The following WNT4 variants were observed in gnomAD, a reference collection of about 807,000 sequenced individuals.
The protein encoded by WNT4 is protein Wnt-4.
In WNT4, 16 loss-of-function variants were observed where a neutral mutation model predicts 34.5. That is an observed-to-expected ratio of 0.46 (90% CI 0.31 to 0.70). The LOEUF is 0.70. Ranked by LOEUF, WNT4 falls within the 30% of genes least tolerant of loss-of-function variation. WNT4 has a pLI of 0.04. For missense variants in WNT4, 379 were observed against 495.9 expected (o/e 0.76, Z 2.24); for synonymous variants, 200 against 211.9 (o/e 0.94, Z 0.49).
chr1:22,121,808 T>TCATC (rs1430490374), intron 2 of WNT4, among the ~76,000 whole-genome samples: 1 of 152,232 alleles, frequency 6.6e-6, no homozygotes, highest in African/African-American at 2.4e-5. Flanking sequence ...GCAGATGCTG[T>TCATC]CATCCTCACA....
Position 22,121,509 on chromosome 1 carries a change from C to A in WNT4, c.381G>T (p.Ala127=), listed in dbSNP as rs745481107. 1 of 1,613,940 alleles carries A rather than the reference C, an allele frequency of 6.2e-7. No homozygotes were observed. Among genetic ancestry groups the A allele is most frequent in the Non-Finnish European group, 8.5e-7 (1 of 1,180,042 alleles). The stretch of plus-strand genomic sequence containing the variant: ...ACTTCTCCAGCTCCCCACTGCTGCA[C>A]GCCCGCGTCACTGCAAAGGCCACAC... ...SAGVAFAVTR[A]CSSGELEKCG... is the part of the protein sequence containing the mutation. Residue 127 remains alanine (A), a synonymous_variant, in exon 3 of 5, where the codon GCG becomes GCT. Transcript: ENST00000290167.
intron 1 of WNT4, among the ~76,000 whole-genome samples, chr1:22,138,607 C>G (rs2124134615): frequency 6.6e-6 from 1 of 152,298 alleles, no homozygotes; most frequent in Non-Finnish European, 1.5e-5. Context: ...CTGTGAAGTA[C>G]TGTGGGGGTG....
At position 22,130,458 on chromosome 1, in the gene WNT4, C is replaced by T. The variant is rs181206433; in HGVS notation, c.78-607G>A. ...ATGGTCAGGTTATGGGTGGTGGTGG[C>T]GAGAGTGGGCTGTGTGGACGCTTCA... is the stretch of plus-strand genomic sequence containing the variant. On this transcript the variant is annotated intron_variant, in intron 1 of 4. Coordinates refer to ENST00000290167, the MANE Select transcript of WNT4 (RefSeq NM_030761.5). 1.4e-4 allele frequency among the ~76,000 whole-genome samples: 21 copies of T among 152,266 alleles called. No homozygotes were observed. The East Asian group carries it at 1.7e-3, about 13-fold the overall frequency.
chr1:22,138,211 G>A (rs375123089), intron 1 of WNT4, among the ~76,000 whole-genome samples: 2 of 152,204 alleles, frequency 1.3e-5, no homozygotes, highest in East Asian at 1.9e-4. Flanking sequence ...TTCCAGTCCT[G>A]CTTCTGATTT....
Position 22,129,832 on chromosome 1 carries a change from A to T in WNT4, c.97T>A (p.Ser33Thr). The T allele has an allele frequency of 6.2e-7, 1 of 1,613,690 alleles. No homozygotes were observed. The highest frequency in any genetic ancestry group is 8.5e-7 in the Non-Finnish European group (1 of 1,180,002). The change falls in exon 2 of 5, where the codon TCG becomes ACG. Residue 33 changes from serine (S) to threonine (T), a missense_variant. Coordinates refer to ENST00000290167, the MANE Select transcript of WNT4 (RefSeq NM_030761.5). ...TCCTCCTCTGAGATGCTCCCCACCG[A>T]CGACAGCTTGGCCAGGTACCTGGGG... is the stretch of plus-strand genomic sequence containing the variant. ...SNWLYLAKLS[S>T]VGSISEEETC...
chr1:22,128,981 A>C (rs892135763), intron 2 of WNT4, among the ~76,000 whole-genome samples: 8 of 152,110 alleles, frequency 5.3e-5, no homozygotes, highest in South Asian at 2.1e-4. Context: ...GGGCCTCCGA[A>C]AGTGCTGGGA....
intron 2 of WNT4, among the ~76,000 whole-genome samples, chr1:22,125,137 T>C (rs1645930832): frequency 6.6e-6 from 1 of 152,180 alleles, no homozygotes; most frequent in Non-Finnish European, 1.5e-5. Flanking sequence ...CCTTCCTGAG[T>C]TGAGTGTTCT....
Position 22,121,280 on chromosome 1 carries a change from C to T in WNT4, c.519G>A (p.Arg173=). The T allele has an allele frequency of 6.2e-7, 1 of 1,614,186 alleles. No homozygotes were observed. The highest frequency in any genetic ancestry group is 8.5e-7 in the Non-Finnish European group (1 of 1,180,026). The change falls in exon 4 of 5, where the codon CGG becomes CGA. Residue 173 remains arginine (R), a synonymous_variant. Transcript: ENST00000290167. ...TGGACGAGGCCCCCTTGCTTCTCTC[C>T]CGCACATCCACAAACGACTGTGAGA... ...VAFSQSFVDV[R]ERSKGASSSR...
rs879646516 is a variant in WNT4, at chr1:22,119,227, TG to T, written c.*822del. 18,358 of 126,412 alleles carry T rather than the reference TG, an allele frequency of 0.15. 1,551 individuals are homozygous for T. Among genetic ancestry groups the T allele is most frequent in the Middle Eastern group, 0.27 (71 of 266 alleles). The allele number at this position is 126,412 out of a possible 1,614,324, so 7.8% of individuals were successfully genotyped here. On this transcript the variant is annotated 3_prime_UTR_variant, in exon 5 of 5. Transcript: ENST00000290167. ...GTGTGTGTGTGTGTGTGTGTGTGTG[TG>T]TTTCAGTTTCATGGAGGAACAGCGC...
chr1:22,129,872 G>A (rs573913343), intron 1 of WNT4, 21 bp from the exon 2 acceptor site: 1 of 1,612,148 alleles, frequency 6.2e-7, no homozygotes, highest in South Asian at 1.1e-5. Context: ...GGTGACACGT[G>A]ATGCAGAGCC....
Position 22,118,024 on chromosome 1 carries a change from C to G in WNT4, c.*2026G>C, listed in dbSNP as rs1010133580. The G allele has an allele frequency of 6.6e-6, 1 of 152,240 alleles. No homozygotes were observed. Among genetic ancestry groups the G allele is most frequent in the African/African-American group, 2.4e-5 (1 of 41,460 alleles). The allele number at this position is 152,240 out of a possible 1,614,324, so 9.4% of individuals were successfully genotyped here. A position where few individuals can be genotyped will look rare whatever the true frequency, so the allele number is the denominator to read the frequency against. The stretch of plus-strand genomic sequence containing the variant: ...CAGCTTTCATCCACATCAGAGCTGG[C>G]CTGCCCCAAGATTATCAACCACATT... On this transcript the variant is annotated 3_prime_UTR_variant, in exon 5 of 5. Transcript: ENST00000290167.
At position 22,142,938 on chromosome 1, in the gene WNT4, G is replaced by T. The variant is rs1356413696; in HGVS notation, c.-16C>A. 1 of 1,115,898 alleles carries T rather than the reference G, an allele frequency of 9.0e-7. No homozygotes were observed. The highest frequency in any genetic ancestry group is 3.5e-5 in the Admixed American group (1 of 28,662). 69.1% of individuals were successfully genotyped at this position (1,115,898 alleles called of 1,614,324 possible). A position where few individuals can be genotyped will look rare whatever the true frequency, so the allele number is the denominator to read the frequency against. ...GGGGACTCATGGTGCCGCCGCGGGCGCCCGGCCCGGGGCAGCGGCTGCGGC... is the reference window on the plus strand; with the variant it reads ...GGGGACTCATGGTGCCGCCGCGGGCTCCCGGCCCGGGGCAGCGGCTGCGGC... On this transcript the variant is annotated 5_prime_UTR_variant, in exon 1 of 5. Transcript: ENST00000290167. The surrounding 1 kb of genome is among the most constrained non-coding windows in gnomAD (Gnocchi z 6.0).
intron 1 of WNT4, among the ~76,000 whole-genome samples, chr1:22,131,204 C>T (rs567375646): frequency 6.6e-6 from 1 of 152,210 alleles, no homozygotes; most frequent in Admixed American, 6.5e-5. Context: ...AAGATGCTAG[C>T]CAGGGTGCAG....
Position 22,142,710 on chromosome 1 carries a change from A to C in WNT4, c.77+136T>G. 1.9e-6 allele frequency: 1 copy of C among 532,766 alleles called. No individual in the cohort carries two copies. Among genetic ancestry groups the C allele is most frequent in the African/African-American group, 2.1e-5 (1 of 47,984 alleles). The allele number at this position is 532,766 out of a possible 1,614,324, so 33.0% of individuals were successfully genotyped here. On this transcript the variant is annotated intron_variant, in intron 1 of 4. Transcript: ENST00000290167. This position sits in a 1 kb window ranked among gnomAD's most constrained non-coding sequence, Gnocchi z 6.0. ...GGGCCGTGGCGGCGGCAGCGGAGCGAGCGAGCCTCCGGTCCCGCGGCCGAG... is the reference window on the plus strand; with the variant it reads ...GGGCCGTGGCGGCGGCAGCGGAGCGCGCGAGCCTCCGGTCCCGCGGCCGAG...
Position 22,121,468 on chromosome 1 carries a change from G to A in WNT4, c.422C>T (p.Thr141Ile). 1 of 1,614,038 alleles carries A rather than the reference G, an allele frequency of 6.2e-7. No individual in the cohort carries two copies. The highest frequency in any genetic ancestry group is 8.5e-7 in the Non-Finnish European group (1 of 1,180,012). Residue 141 changes from threonine (T) to isoleucine (I), a missense_variant, in exon 3 of 5, where the codon ACA becomes ATA. Physicochemically the swap from Thr to Ile is moderately conservative, Grantham distance 89. Transcript: ENST00000290167. Reference protein sequence around the residue: ...GELEKCGCDRTVHGVSPQGFQ... With the variant: ...GELEKCGCDRIVHGVSPQGFQ... The stretch of plus-strand genomic sequence containing the variant: ...ACCCTGTGGGCTGACCCCATGCACT[G>A]TCCTGTCACAGCCGCACTTCTCCAG...
At position 22,142,876 on chromosome 1, in the gene WNT4, G is replaced by A; in HGVS notation, c.47C>T (p.Ala16Val). The part of the protein sequence containing the change: ...CLRSLRLLVF[A>V]VFSAAASNWL... ...GTTGCTCGCGGCGGCTGAGAAGACG[G>A]CGAAGACGAGGAGGCGCAGCGAACG... Residue 16 changes from alanine (A) to valine (V), a missense_variant, in exon 1 of 5, where the codon GCC becomes GTC. Coordinates refer to ENST00000290167, the MANE Select transcript of WNT4 (RefSeq NM_030761.5). The surrounding 1 kb of genome is among the most constrained non-coding windows in gnomAD (Gnocchi z 6.0). The A allele has an allele frequency of 8.2e-7, 1 of 1,212,842 alleles. No homozygotes were observed. Among genetic ancestry groups the A allele is most frequent in the African/African-American group, 1.6e-5 (1 of 61,094 alleles). 75.1% of individuals were successfully genotyped at this position (1,212,842 alleles called of 1,614,324 possible).
At chr1:22,122,682 C>T (rs1645910814) in intron 2 of WNT4, among the ~76,000 whole-genome samples, 2 of 151,230 alleles carry the variant, frequency 1.3e-5, no homozygotes, top group Admixed American at 1.3e-4. Flanking sequence ...GCGGAGGGGG[C>T]AGGCTTTGGC....
At chr1:22,122,558 G>T (rs1025087160) in intron 2 of WNT4, among the ~76,000 whole-genome samples, 1 of 152,182 alleles carries the variant, frequency 6.6e-6, no homozygotes, top group Non-Finnish European at 1.5e-5. Context: ...TGCATGGCCG[G>T]CTGGGTGTGT....
intron 2 of WNT4, 71 bp from the exon 3 acceptor site, chr1:22,121,647 A>AG: frequency 2.5e-6 from 4 of 1,576,644 alleles, no homozygotes; most frequent in Non-Finnish European, 3.4e-6. Context: ...GTAGAGGGGG[A>AG]GGGGCATATG....
Sources: allele counts gnomAD v4.1 joint callset (sites outside exome capture counted in the v4.1 genomes callset), GRCh38; gene constraint gnomAD v4.1.1; non-coding constraint Gnocchi (gnomAD v3.1); transcripts MANE v1.5; gene names NCBI Gene and HGNC (gene_info 2026-07-23, HGNC 2026-07-21).